BOP1: variants seen among roughly 807,000 people sequenced by gnomAD.
BOP1 encodes the protein ribosome biogenesis protein BOP1.
BOP1 carries 54 observed loss-of-function variants against 82.9 expected under a neutral mutation model. The ratio of observed to expected loss-of-function variants is 0.65; its 90% CI spans 0.52 to 0.82. The LOEUF (loss-of-function observed/expected upper bound fraction) is 0.82, where lower values mean the gene tolerates loss of function less well. Among genes scored for constraint, BOP1 ranks in the 40% least tolerant of loss-of-function variants. The pLI, the probability that BOP1 is intolerant of heterozygous loss-of-function variation, is 0.00. For synonymous variants in BOP1, 566 were observed against 451.1 expected, an observed-to-expected ratio of 1.25 and a Z score of -3.23; for missense variants, 1,170 against 1,072.0, an observed-to-expected ratio of 1.09 and a Z score of -1.28.
chr8:144,290,933 A>C (rs1815044854), intron 1 of BOP1, among the ~76,000 whole-genome samples: 1 of 152,246 alleles, frequency 6.6e-6, no homozygotes, highest in Non-Finnish European at 1.5e-5. Flanking sequence ...TAAAAACGCA[A>C]TTAACTAGCG....
chr8:144,281,703 CCCAGGATGGAGGCAGTGGCATGATCTCAG>C (rs1554838972), intron 2 of BOP1: 1 of 152,290 alleles, frequency 6.6e-6, no homozygotes, highest in Admixed American at 6.5e-5. Context: ...CACTCTGTCA[CCCAGGATGGAGGCAGTGGCATGATCTCAG>C]CTTACTCTAA....
intron 2 of BOP1, among the ~76,000 whole-genome samples, chr8:144,288,724 G>T (rs1218880139): frequency 6.6e-6 from 1 of 152,040 alleles, no homozygotes; most frequent in African/African-American, 2.4e-5. Context: ...TTCCGTTGGG[G>T]CCCCCATGCC....
chr8:144,276,479 G>A (rs2130239855), intron 2 of BOP1, among the ~76,000 whole-genome samples, 175 bp from the exon 3 acceptor site: 1 of 152,298 alleles, frequency 6.6e-6, no homozygotes, highest in East Asian at 1.9e-4. Flanking sequence ...GCTGTGGCTG[G>A]CACCCGGCGC....
intron 2 of BOP1, among the ~76,000 whole-genome samples, chr8:144,285,242 G>T (rs1315057161): frequency 6.6e-6 from 1 of 152,216 alleles, no homozygotes; most frequent in African/African-American, 2.4e-5. Flanking sequence ...CCCTCGCCCT[G>T]CCTGACTTCG....
chr8:144,262,712 C>A (rs1202429192), intron 13 of BOP1, 40 bp from the exon 14 acceptor site: 5 of 1,607,194 alleles, frequency 3.1e-6, no homozygotes, highest in East Asian at 4.5e-5. Context: ...CCCGCTCTCA[C>A]CTGCAGGGTG....
In BOP1 at chr8:144,262,478, CAGCCCGCAG is replaced by C; in HGVS notation, c.1996_2004del (p.Leu666_Ala668del). On this transcript the variant is annotated inframe_deletion, in exon 15 of 16. Transcript: ENST00000569669. ...AGTGGGTACCGCGGGTGGAAGGCCA[CAGCCCGCAG>C]AGCCTTCTTGTGGTGTCTGGGGGGA... 6.2e-7 allele frequency: 1 copy of C among 1,612,922 alleles called. No homozygotes were observed. The highest frequency in any genetic ancestry group is 8.5e-7 in the Non-Finnish European group (1 of 1,179,834).
Position 144,262,659 on chromosome 8 carries a change from G to A in BOP1, c.1908C>T (p.Ile636=), listed in dbSNP as rs1488631807. The change falls in exon 14 of 16, where the codon ATC becomes ATT. Residue 636 remains isoleucine (I), a synonymous_variant. Transcript: ENST00000569669. ...CCAGCTTGCTATCGTAGCTCCCACA[G>A]ATGACGTTGTCACCTAGGGCCAAAG... ...LAVHPAGDNV[I]CGSYDSKLVW... is the part of the protein sequence containing the mutation. 4 of 1,613,366 alleles carry A rather than the reference G, an allele frequency of 2.5e-6. No homozygotes were observed. The highest frequency in any genetic ancestry group is 2.7e-5 in the African/African-American group (2 of 74,988).
At chr8:144,264,479 C>T (rs1845310369) in intron 6 of BOP1, 36 bp downstream of exon 6, 2 of 1,607,780 alleles carry the variant, frequency 1.2e-6, no homozygotes, top group African/African-American at 2.7e-5. Context: ...GCGGGGCGGT[C>T]AGCCCAGGCC....
intron 3 of BOP1, chr8:144,265,626 C>T: frequency 6.1e-6 from 1 of 164,184 alleles, no homozygotes; most frequent in Admixed American, 5.6e-5. Flanking sequence ...TCGCTCCTTC[C>T]AGCCTGGGGA....
Position 144,268,163 on chromosome 8 carries a change from G to GCCACCA in BOP1, c.391-3093_391-3092insTGGTGG, listed in dbSNP as rs1845423935. ...GTTAGGAGGTGGCCGGCAGCAGCCAGGAGGCAGACGCTGCTGGGGGAGGTG... is the reference window on the plus strand; with the variant it reads ...GTTAGGAGGTGGCCGGCAGCAGCCAGCCACCAGAGGCAGACGCTGCTGGGGGAGGTG... On this transcript the variant is annotated intron_variant, in intron 3 of 15. Transcript: ENST00000569669. 6.4e-4 allele frequency: 990 copies of GCCACCA among 1,550,470 alleles called. 2 individuals carry two copies. Among genetic ancestry groups the GCCACCA allele is most frequent in the Middle Eastern group, 4.1e-3 (22 of 5,370 alleles).
At chr8:144,278,203 C>T (rs1845602123) in intron 2 of BOP1, among the ~76,000 whole-genome samples, 2 of 152,100 alleles carry the variant, frequency 1.3e-5, no homozygotes, top group South Asian at 2.1e-4. Flanking sequence ...GAAGGACCGA[C>T]GGGTGGGCAG....
chr8:144,289,075 G>A lies in BOP1; in HGVS notation c.309+20C>T, dbSNP rs1341529816. The A allele has an allele frequency of 2.4e-5, 38 of 1,613,456 alleles. No individual in the cohort carries two copies. The highest frequency in any genetic ancestry group is 3.1e-5 in the Non-Finnish European group (37 of 1,179,692). On this transcript the variant is annotated intron_variant, in intron 2 of 15. Transcript: ENST00000569669. ...CTGCACATGGGGGACAGCCCTCGAG[G>A]GGGCTCCTCGCTCACCCACCTGCAC...
chr8:144,289,055 C>T (rs782167848), intron 2 of BOP1, 40 bp downstream of exon 2: 1 of 1,609,778 alleles, frequency 6.2e-7, no homozygotes, highest in South Asian at 1.1e-5. Context: ...GCCACCTGCA[C>T]ATGGGGGACA....
chr8:144,267,138 C>T (rs1335112021), intron 3 of BOP1: 22 of 1,525,092 alleles, frequency 1.4e-5, no homozygotes, highest in Non-Finnish European at 1.9e-5. Flanking sequence ...ACACCCAGCC[C>T]AAACAGATCT....
rs538574850 is a variant in BOP1 at position 144,289,882 on chromosome 8, C to T, written c.100-578G>A. 3.3e-5 allele frequency among the ~76,000 whole-genome samples: 5 copies of T among 152,336 alleles called. No homozygotes were observed. The East Asian group carries it at 9.6e-4, about 29-fold the overall frequency. ...TTGATCAGTAAATTGAAAGGATTGG[C>T]TGAAGAGTCACAGGAATGATAGAGA... On this transcript the variant is annotated intron_variant, in intron 1 of 15. Coordinates refer to ENST00000569669, the MANE Select transcript of BOP1 (RefSeq NM_015201.5).
chr8:144,263,664 C>T (rs1845289416), intron 10 of BOP1, 28 bp downstream of exon 10: 1 of 1,595,792 alleles, frequency 6.3e-7, no homozygotes, highest in Non-Finnish European at 8.5e-7. Context: ...TGCCCCCCAG[C>T]TCAAGGCTGC....
At chr8:144,283,391 C>G (rs1814772142) in intron 2 of BOP1, among the ~76,000 whole-genome samples, 1 of 152,172 alleles carries the variant, frequency 6.6e-6, no homozygotes, top group Non-Finnish European at 1.5e-5. Flanking sequence ...TTCCAGCCAG[C>G]TAAGTGCATG....
chr8:144,269,263 T>C (rs1238327379), intron 3 of BOP1, among the ~76,000 whole-genome samples: 1 of 152,226 alleles, frequency 6.6e-6, no homozygotes, highest in African/African-American at 2.4e-5. Flanking sequence ...GGCGGTGCTG[T>C]GTGGACCACC....
Position 144,263,237 on chromosome 8 carries a change from C to T in BOP1, c.1589G>A (p.Arg530His), listed in dbSNP as rs1214761245. 7.5e-6 allele frequency: 12 copies of T among 1,594,644 alleles called. No homozygotes were observed. In the African/African-American group the frequency reaches 8.0e-5, roughly 11 times the overall value. Residue 530 changes from arginine to histidine, a missense_variant, in exon 12 of 16, where the codon CGC (arginine) becomes CAC (histidine). Arg to His is a conservative substitution (Grantham distance 29). Transcript: ENST00000569669. Reference protein sequence around the residue: ...EEERQVGLRLRICHGKPVTQV... With the variant: ...EEERQVGLRLHICHGKPVTQV... ...CCCACGTACCTTCCCGTGGCAGATGCGCAGCCGCAGGCCCACTTGGCGCTC... is the reference window on the plus strand; with the variant it reads ...CCCACGTACCTTCCCGTGGCAGATGTGCAGCCGCAGGCCCACTTGGCGCTC...
Sources: gnomAD v4.1 joint callset for allele counts (sites outside exome capture counted in the v4.1 genomes callset) on GRCh38, gnomAD v4.1.1 for gene constraint, MANE v1.5 for transcripts, NCBI Gene and HGNC (gene_info 2026-07-23, HGNC 2026-07-21) for gene names.